NLGN1: variants seen among roughly 807,000 people sequenced by gnomAD.
The protein encoded by NLGN1 is neuroligin-1.
Under a neutral mutation model 65.5 loss-of-function variants are expected in NLGN1, and 12 were observed. The ratio of observed to expected loss-of-function variants is 0.18; its 90% CI spans 0.12 to 0.30. NLGN1 has a LOEUF of 0.30. Ranked by LOEUF, NLGN1 falls within the 10% of genes least tolerant of loss-of-function variation. The pLI, the probability that NLGN1 is intolerant of heterozygous loss-of-function variation, is 1.00. For missense variants in NLGN1, 750 were observed against 1,007.1 expected, an observed-to-expected ratio of 0.74 and a Z score of 3.46; for synonymous variants, 350 against 359.5, an observed-to-expected ratio of 0.97 and a Z score of 0.30.
Position 174,210,978 on chromosome 3 carries a change from C to G in NLGN1, c.647-64337C>G, listed in dbSNP as rs779598266. ...TGACTTCAAGAATGAAGCCGCGGAC[C>G]CTCGCGGTGAGTGTTACAGCTCTTA... On this transcript the variant is annotated intron_variant, in intron 4 of 6. Coordinates refer to ENST00000457714, the Ensembl canonical transcript of NLGN1. 1.1e-4 allele frequency among the ~76,000 whole-genome samples: 17 copies of G among 152,128 alleles called. 1 individual carries two copies. The highest frequency in any genetic ancestry group is 1.0e-3 in the South Asian group (5 of 4,830).
intron 4 of NLGN1, among the ~76,000 whole-genome samples, chr3:173,823,642 G>A (rs1720761481): frequency 6.6e-6 from 1 of 151,906 alleles, no homozygotes; most frequent in African/African-American, 2.4e-5. Context: ...AAAAAATGCA[G>A]TAACACAGTA....
In NLGN1 at chr3:174,265,604, G is replaced by A. The variant is rs547872165; in HGVS notation, c.647-9711G>A. ...TGGCACTCCCTAGTGAGATGAACCC[G>A]GTACCTCAGATGGAAATGCAGAAAT... is the stretch of plus-strand genomic sequence containing the variant. On this transcript the variant is annotated intron_variant, in intron 4 of 6. Transcript: ENST00000457714. Among the ~76,000 whole-genome samples the A allele has an allele frequency of 3.4e-4, 52 of 151,884 alleles. No individual in the cohort carries two copies. The South Asian group carries it at 0.01, about 30-fold the overall frequency.
intron 4 of NLGN1, among the ~76,000 whole-genome samples, chr3:173,928,947 G>A (rs776069710): frequency 6.6e-6 from 1 of 152,040 alleles, no homozygotes; most frequent in Non-Finnish European, 1.5e-5. Context: ...CTGGATTACA[G>A]GCATGAGCCA....
intron 4 of NLGN1, among the ~76,000 whole-genome samples, chr3:174,069,529 T>C (rs1321032382): frequency 6.6e-6 from 1 of 152,198 alleles, no homozygotes; most frequent in Non-Finnish European, 1.5e-5. Context: ...TTCCTATTTA[T>C]ATAAACCTAT....
At chr3:174,205,578 T>C (rs940956617) in intron 4 of NLGN1, among the ~76,000 whole-genome samples, 2 of 152,208 alleles carry the variant, frequency 1.3e-5, no homozygotes, top group Middle Eastern at 3.2e-3. Flanking sequence ...TGTTGGTCTT[T>C]TGTATATATT....
intron 4 of NLGN1, among the ~76,000 whole-genome samples, chr3:173,869,594 C>T (rs1472584872): frequency 6.6e-6 from 1 of 152,110 alleles, no homozygotes; most frequent in Non-Finnish European, 1.5e-5. Flanking sequence ...GTGAAAATAT[C>T]TGTCTGTAGT....
rs189640824 is a variant in NLGN1, at chr3:173,791,807, C to T, written c.494-15873C>T. 2.6e-5 allele frequency among the ~76,000 whole-genome samples: 4 copies of T among 152,194 alleles called. No individual in the cohort carries two copies. The East Asian group carries it at 7.7e-4, about 29-fold the overall frequency. On this transcript the variant is annotated intron_variant, in intron 3 of 6. Coordinates refer to ENST00000457714, the Ensembl canonical transcript of NLGN1. Reference sequence around the variant, plus strand: ...AAACTGAGATCTAGACCTAGTTCTGCTTCTGACTAGCTGTGAGTCCTAGGC... The same window carrying T: ...AAACTGAGATCTAGACCTAGTTCTGTTTCTGACTAGCTGTGAGTCCTAGGC...
At chr3:173,572,799 G>A (rs141476947) in intron 2 of NLGN1, among the ~76,000 whole-genome samples, 158 of 152,236 alleles carry the variant, frequency 1.0e-3, no homozygotes, top group African/African-American at 3.6e-3. Flanking sequence ...TTCCCAATTT[G>A]CAGTCTCACC....
intron 4 of NLGN1, among the ~76,000 whole-genome samples, chr3:174,102,465 A>G (rs1712756472): frequency 6.6e-6 from 1 of 152,170 alleles, no homozygotes; most frequent in African/African-American, 2.4e-5. Context: ...TTTTGAGTAA[A>G]ATTATGGCTT....
chr3:173,692,298 G>T (rs1296348766), intron 3 of NLGN1, among the ~76,000 whole-genome samples: 1 of 152,022 alleles, frequency 6.6e-6, no homozygotes, highest in Non-Finnish European at 1.5e-5. Context: ...AGATATAAAA[G>T]CAGTAAACTT....
chr3:173,620,871 A>T (rs984101004), intron 3 of NLGN1, among the ~76,000 whole-genome samples: 1 of 152,260 alleles, frequency 6.6e-6, no homozygotes, highest in South Asian at 2.1e-4. Context: ...GAAAGAAAGC[A>T]AAATCATTTA....
chr3:174,098,480 GA>G (rs1436321471), intron 4 of NLGN1, among the ~76,000 whole-genome samples: 2 of 152,124 alleles, frequency 1.3e-5, no homozygotes, highest in Non-Finnish European at 2.9e-5. Flanking sequence ...ACCAAATTCA[GA>G]AAATCTGCTG....
At chr3:173,498,105 C>T (rs13095218) in intron 2 of NLGN1, among the ~76,000 whole-genome samples, 72,213 of 151,214 alleles carry the variant, frequency 0.48, 19,884 homozygotes, top group East Asian at 0.81. Context: ...GCACAACGTG[C>T]AGGTTTGTTA....
intron 2 of NLGN1, among the ~76,000 whole-genome samples, chr3:173,600,362 G>C (rs114248566): frequency 1.3e-5 from 2 of 151,938 alleles, no homozygotes; most frequent in Admixed American, 1.3e-4. Flanking sequence ...TCAAGCCAGG[G>C]AGCTCTAATG....
intron 4 of NLGN1, among the ~76,000 whole-genome samples, chr3:174,168,806 C>A (rs1728009697): frequency 6.6e-6 from 1 of 152,090 alleles, no homozygotes; most frequent in Non-Finnish European, 1.5e-5. Context: ...AGTATTAGCA[C>A]CAAGAAAGAA....
At chr3:173,822,200 G>T (rs973618682) in intron 4 of NLGN1, among the ~76,000 whole-genome samples, 2 of 152,080 alleles carry the variant, frequency 1.3e-5, no homozygotes, top group African/African-American at 4.8e-5. Context: ...CCAAAACTGT[G>T]TAGTTTAATT....
chr3:173,994,674 ATT>A (rs1383201158), intron 4 of NLGN1, among the ~76,000 whole-genome samples: 4 of 152,080 alleles, frequency 2.6e-5, no homozygotes, highest in African/African-American at 9.7e-5. Context: ...TTAATCCTTT[ATT>A]TCTCTCTACT....
At chr3:173,695,245 T>A (rs1766037203) in intron 3 of NLGN1, among the ~76,000 whole-genome samples, 1 of 152,216 alleles carries the variant, frequency 6.6e-6, no homozygotes, top group African/African-American at 2.4e-5. Context: ...CATGATTCTG[T>A]ACTGTTAAAT....
intron 3 of NLGN1, among the ~76,000 whole-genome samples, chr3:173,693,342 T>C (rs1238428908): frequency 6.6e-6 from 1 of 152,082 alleles, no homozygotes; most frequent in African/African-American, 2.4e-5. Flanking sequence ...AATACTATTA[T>C]TGCAAATTCC....
Sources: gnomAD v4.1 joint callset for allele counts (sites outside exome capture counted in the v4.1 genomes callset) on GRCh38, gnomAD v4.1.1 for gene constraint, MANE v1.5 for transcripts, NCBI Gene and HGNC (gene_info 2026-07-23, HGNC 2026-07-21) for gene names.